The following TTLL8 variants were observed in gnomAD, a reference collection of about 807,000 sequenced individuals.
The protein encoded by TTLL8 is protein monoglycylase TTLL8.
TTLL8 carries 65 observed loss-of-function variants against 77.8 expected under a neutral mutation model. The observed-to-expected ratio is 0.84, with a 90% CI of 0.68 to 1.03. The LOEUF (loss-of-function observed/expected upper bound fraction) is 1.03. Among genes scored for constraint, TTLL8 ranks in the 50% least tolerant of loss-of-function variants. TTLL8 has a pLI of 0.00. For missense variants in TTLL8, 910 were observed against 1,004.5 expected (o/e 0.91, Z 1.27); for synonymous variants, 402 against 422.8 (o/e 0.95, Z 0.60).
At chr22:50,026,939 T>G (rs1008837943) in intron 12 of TTLL8, among the ~76,000 whole-genome samples, 2 of 151,146 alleles carry the variant, frequency 1.3e-5, no homozygotes, top group African/African-American at 4.9e-5. Flanking sequence ...AAACTTTATT[T>G]AAAAAAAAAG....
intron 12 of TTLL8, among the ~76,000 whole-genome samples, chr22:50,020,315 C>T (rs541567972): frequency 6.8e-6 from 1 of 147,052 alleles, no homozygotes; most frequent in Non-Finnish European, 1.5e-5. Flanking sequence ...GACGTGCACT[C>T]CTCCATCTGA....
intron 12 of TTLL8, among the ~76,000 whole-genome samples, chr22:50,020,269 C>G (rs78848810): frequency 8.3e-6 from 1 of 120,416 alleles, no homozygotes; most frequent in Non-Finnish European, 1.8e-5. Flanking sequence ...CTCCATCTGA[C>G]GTGCACTCCT....
In TTLL8 at chr22:50,041,398, C is replaced by G. The variant is rs572683887; in HGVS notation, c.831-121G>C. 1.4e-5 allele frequency: 13 copies of G among 952,718 alleles called. No homozygotes were observed. In the South Asian group the frequency reaches 1.9e-4, roughly 14 times the overall value. 59.0% of individuals were successfully genotyped at this position (952,718 alleles called of 1,614,324 possible). A position where few individuals can be genotyped will look rare whatever the true frequency, so the allele number is the denominator to read the frequency against. ...TCCAGACAGACACCCCAATACCCAA[C>G]AAGTATCCCAGACATCCAGACAGAC... On this transcript the variant is annotated intron_variant, in intron 7 of 13. Transcript: ENST00000266182. This position sits in a 1 kb window ranked among gnomAD's most constrained non-coding sequence, Gnocchi z 4.3.
chr22:50,045,111 A>T, intron 6 of TTLL8, 144 bp downstream of exon 8: 1 of 964,706 alleles, frequency 1.0e-6, no homozygotes, highest in Non-Finnish European at 1.4e-6. Flanking sequence ...GTCTGCCATG[A>T]GAATCGAGAG....
At chr22:50,046,051 C>A in intron 4 of TTLL8, 81 bp from the exon 7 acceptor site, 1 of 1,244,004 alleles carries the variant, frequency 8.0e-7, no homozygotes, top group Non-Finnish European at 1.1e-6. Flanking sequence ...ACGGGCCGTC[C>A]ACCTCAGACT....
chr22:50,022,019 CGCTCCTTCATCT>C (rs2061205322), intron 12 of TTLL8, among the ~76,000 whole-genome samples: 2 of 140,464 alleles, frequency 1.4e-5, no homozygotes, highest in Non-Finnish European at 3.1e-5. Context: ...TGATGATGTG[CGCTCCTTCATCT>C]GACATGCACT....
At chr22:50,055,094 T>C (rs575328519), upstream of TTLL8, 6 of 1,125,244 alleles carry the variant, frequency 5.3e-6, no homozygotes, top group Non-Finnish European at 6.7e-6. Context: ...AAAGGTAACA[T>C]GAGCCAAGTC....
chr22:50,056,888 T>A (rs1308066540), upstream of TTLL8: 2 of 1,289,588 alleles, frequency 1.6e-6, no homozygotes, highest in African/African-American at 3.0e-5. This position sits in a 1 kb window ranked among gnomAD's most constrained non-coding sequence, Gnocchi z 4.1. Context: ...CTCTCCCGTC[T>A]CCATCTGAAG....
intron 8 of TTLL8, among the ~76,000 whole-genome samples, chr22:50,040,861 CCT>C (rs2061366052): frequency 6.6e-6 from 1 of 152,190 alleles, no homozygotes; most frequent in Non-Finnish European, 1.5e-5. Flanking sequence ...CTGCCCAGCT[CCT>C]CTCTCTGGTG....
At chr22:50,031,885 T>C (rs375713351) in exon 11 of TTLL8, 55 of 1,367,164 alleles carry the variant, frequency 4.0e-5, no homozygotes, top group Non-Finnish European at 5.2e-5. Context: ...CTCAAAGCTG[T>C]TCTTGCGAGG....
chr22:50,041,260 C>T lies in TTLL8; in HGVS notation c.848G>A (p.Ser283Asn), dbSNP rs780424619. Residue 283 changes from serine to asparagine, a missense_variant, in exon 8 of 14, where the codon AGC (serine) becomes AAC (asparagine). Transcript: ENST00000266182. This position sits in a 1 kb window ranked among gnomAD's most constrained non-coding sequence, Gnocchi z 4.3. The stretch of plus-strand genomic sequence containing the variant: ...GATTTTGAAGATGCACAAGACAATG[C>T]TACTCCCCAAAGGCACCCTGAGGGG... 2 of 503,916 alleles carry T rather than the reference C, an allele frequency of 4.0e-6. No homozygotes were observed. The highest frequency in any genetic ancestry group is 3.0e-5 in the South Asian group (2 of 65,808). The allele number at this position is 503,916 out of a possible 1,614,324, so 31.2% of individuals were successfully genotyped here.
chr22:50,026,942 A>G (rs1254707329), intron 12 of TTLL8, among the ~76,000 whole-genome samples: 1 of 152,184 alleles, frequency 6.6e-6, no homozygotes, highest in Non-Finnish European at 1.5e-5. Flanking sequence ...CTTTATTTAA[A>G]AAAAAAGTCG....
intron 11 of TTLL8, 43 bp downstream of exon 12, chr22:50,031,643 T>C (rs760321047): frequency 8.2e-7 from 1 of 1,224,054 alleles, no homozygotes. Flanking sequence ...AGCATCCACA[T>C]GGCGGGCGGC....
At chr22:50,030,635 G>A in exon 12 of TTLL8, 7 of 1,289,810 alleles carry the variant, frequency 5.4e-6, no homozygotes, top group Non-Finnish European at 7.1e-6. Flanking sequence ...TGGTGCGGGT[G>A]GGCTGTGCGG....
intron 12 of TTLL8, among the ~76,000 whole-genome samples, chr22:50,022,256 C>T (rs1247763648): frequency 6.6e-6 from 1 of 150,672 alleles, no homozygotes; most frequent in East Asian, 2.0e-4. Context: ...GTGTACTCCT[C>T]CGTCTGATGT....
At chr22:50,057,640 T>TG (rs5845914), upstream of TTLL8, among the ~76,000 whole-genome samples, 436 of 27,750 alleles carry the variant, frequency 0.016, 91 homozygotes, top group East Asian at 0.12. Context: ...AGGTCTGGGT[T>TG]GGGGTCAGGT....
At chr22:50,057,875 G>A (rs991942615), upstream of TTLL8, among the ~76,000 whole-genome samples, 2 of 151,910 alleles carry the variant, frequency 1.3e-5, no homozygotes, top group Admixed American at 6.5e-5. Flanking sequence ...AGAAGATGGG[G>A]GAAGGTGGGG....
At chr22:50,057,413 G>C (rs1290867774), upstream of TTLL8, among the ~76,000 whole-genome samples, 4 of 47,616 alleles carry the variant, frequency 8.4e-5, no homozygotes, top group African/African-American at 1.6e-4. Flanking sequence ...GGTTGGGCGG[G>C]AGGTCTGGGT....
exon 12 of TTLL8, chr22:50,030,467 T>C (rs779744274): frequency 3.7e-6 from 5 of 1,344,044 alleles, no homozygotes; most frequent in Admixed American, 4.0e-5. Flanking sequence ...CGCCCTCTGC[T>C]GTCTTCAGGC....
Sources: gnomAD v4.1 joint callset for allele counts (sites outside exome capture counted in the v4.1 genomes callset) on GRCh38, gnomAD v4.1.1 for gene constraint, Gnocchi (gnomAD v3.1) non-coding constraint, MANE v1.5 for transcripts, NCBI Gene and HGNC (gene_info 2026-07-23, HGNC 2026-07-21) for gene names.